NRK: variants seen among roughly 807,000 people sequenced by gnomAD.
The protein encoded by NRK is Nik related kinase, also known as nik-related protein kinase.
In NRK, 67 loss-of-function variants were observed where a neutral mutation model predicts 125.2. The observed-to-expected ratio is 0.54, with a 90% confidence interval of 0.44 to 0.66. The LOEUF is 0.66. Among genes scored for constraint, NRK ranks in the 30% least tolerant of loss-of-function variants. NRK has a pLI of 0.00. For missense variants in NRK, 1,224 were observed against 1,192.9 expected, an observed-to-expected ratio of 1.03 and a Z score of -0.38; for synonymous variants, 458 against 429.0, an observed-to-expected ratio of 1.07 and a Z score of -0.84.
In NRK at chrX:105,924,843, G is replaced by C. The variant is rs941784968; in HGVS notation, c.3124G>C (p.Asp1042His). Residue 1042 changes from aspartate (D) to histidine (H), a missense_variant, in exon 19 of 29, where the codon GAT becomes CAT. Asp to His is a moderately conservative substitution (Grantham distance 81). Transcript: ENST00000243300. ...AASEDNAAIG[D>H]QEEHAANIGS... ...CAGTGAGGACAATGCAGCCATTGGA[G>C]ATCAGGAAGAACATGCAGCCAATAT... 8 of 1,211,045 alleles carry C rather than the reference G, an allele frequency of 6.6e-6. No individual in the cohort carries two copies. Among genetic ancestry groups the C allele is most frequent in the Admixed American group, 2.2e-5 (1 of 45,849 alleles).
upstream of NRK, among the ~76,000 whole-genome samples, chrX:105,821,952 A>G (rs1028076421): frequency 8.9e-6 from 1 of 112,106 alleles, no homozygotes; most frequent in Non-Finnish European, 1.9e-5. Context: ...TTTGAAGGCC[A>G]AGCTGTGACA....
At chrX:105,829,769 T>C (rs891689771) in intron 1 of NRK, among the ~76,000 whole-genome samples, 3 of 111,905 alleles carry the variant, frequency 2.7e-5, no homozygotes, top group Middle Eastern at 4.6e-3. Context: ...ATTTAGCAGA[T>C]GCAAAGTTTA....
chrX:105,870,033 A>C (rs1228609676), intron 2 of NRK, among the ~76,000 whole-genome samples: 1 of 111,868 alleles, frequency 8.9e-6, no homozygotes, highest in Non-Finnish European at 1.9e-5. Context: ...GGTTAAGCCC[A>C]GACAAACCTT....
chrX:105,823,537 AT>A (rs375688413), intron 1 of NRK, among the ~76,000 whole-genome samples: 371 of 100,169 alleles, frequency 3.7e-3, no homozygotes, highest in East Asian at 9.5e-3. Flanking sequence ...TGCACACTCG[AT>A]TTTTTTTTTT....
Position 105,934,451 on chromosome X carries a change from G to A in NRK, c.3499+7G>A. On this transcript the variant is annotated splice_region_variant and intron_variant, in intron 20 of 28. Coordinates refer to ENST00000243300, the MANE Select transcript of NRK (RefSeq NM_198465.4). ...AACTTTGCCAGTGCCATCTGTGAGT[G>A]TGTTCAATGTAATCTCTAAATGCTA... is the stretch of plus-strand genomic sequence containing the variant. 8.9e-7 allele frequency: 1 copy of A among 1,120,028 alleles called. No individual in the cohort carries two copies. The allele number at this position is 1,120,028 out of a possible 1,213,427, so 92.3% of individuals were successfully genotyped here. A position where few individuals can be genotyped will look rare whatever the true frequency, so the allele number is the denominator to read the frequency against.
intron 5 of NRK, among the ~76,000 whole-genome samples, chrX:105,888,936 T>C (rs189783463): frequency 8.1e-5 from 9 of 111,409 alleles, no homozygotes; most frequent in African/African-American, 2.6e-4. Flanking sequence ...ATTTCATCAC[T>C]GGCCCCTCCC....
intron 2 of NRK, among the ~76,000 whole-genome samples, chrX:105,841,405 G>A (rs2039330604): frequency 8.9e-6 from 1 of 111,883 alleles, no homozygotes; most frequent in Non-Finnish European, 1.9e-5. Flanking sequence ...AGCATAAAGA[G>A]AGGGAAAATG....
At chrX:105,838,034 C>T (rs567752167) in intron 2 of NRK, among the ~76,000 whole-genome samples, 4 of 110,727 alleles carry the variant, frequency 3.6e-5, no homozygotes, top group African/African-American at 1.3e-4. Context: ...ATGTATTAGA[C>T]TCTATAATCT....
intron 21 of NRK, among the ~76,000 whole-genome samples, chrX:105,935,852 A>T (rs1008120342): frequency 9.4e-6 from 1 of 106,459 alleles, no homozygotes; most frequent in African/African-American, 3.4e-5. Context: ...CTAGGTTATG[A>T]TTGTTTGAAA....
chrX:105,893,909 T>G lies in NRK; in HGVS notation c.456T>G (p.Asp152Glu). 8.5e-7 allele frequency: 1 copy of G among 1,172,227 alleles called. No homozygotes were observed. The highest frequency in any genetic ancestry group is 1.8e-5 in the South Asian group (1 of 55,640). ...RMTSNQSLKE[D>E]WIAYICREIL... The stretch of plus-strand genomic sequence containing the variant: ...CCAGTAATCAGAGTTTAAAAGAAGA[T>G]TGGATTGCTTATATCTGCCGAGAAA... The change falls in exon 6 of 29, where the codon GAT (aspartate) becomes GAG (glutamate). Residue 152 changes from aspartate to glutamate, a missense_variant. Asp to Glu is a conservative substitution (Grantham distance 45). Transcript: ENST00000243300.
chrX:105,954,447 T>G, intron 28 of NRK, among the ~76,000 whole-genome samples: 1 of 110,958 alleles, frequency 9.0e-6, no homozygotes, highest in Admixed American at 9.6e-5. Context: ...CTTAAAAGAT[T>G]ATTTGTTTTC....
intron 3 of NRK, among the ~76,000 whole-genome samples, chrX:105,881,222 G>A (rs2039880531): frequency 9.0e-6 from 1 of 111,162 alleles, no homozygotes; most frequent in African/African-American, 3.3e-5. Context: ...TGTGAGTTTC[G>A]AGGGATTTTG....
rs990745900 is a variant in NRK at position 105,898,815 on chromosome X, C to T, written c.711+101C>T. The T allele has an allele frequency of 2.8e-5, 18 of 634,230 alleles. No homozygotes were observed. In the African/African-American group the frequency reaches 4.2e-4, roughly 15 times the overall value. The allele number at this position is 634,230 out of a possible 1,213,427, so 52.3% of individuals were successfully genotyped here. ...AACAAAAAATAAAAAGCAGGCAGCT[C>T]CACATTTTACATTAAATGCTAGTAG... On this transcript the variant is annotated intron_variant, in intron 8 of 28. Transcript: ENST00000243300.
At chrX:105,946,051 T>G (rs1296874400) in intron 25 of NRK, 36 bp downstream of exon 25, 2 of 1,171,064 alleles carry the variant, frequency 1.7e-6, no homozygotes, top group Non-Finnish European at 2.3e-6. Flanking sequence ...GAATGCAGGG[T>G]CATACAAGGC....
chrX:105,867,580 C>T (rs1460953263), intron 2 of NRK, among the ~76,000 whole-genome samples: 1 of 111,929 alleles, frequency 8.9e-6, no homozygotes, highest in East Asian at 2.8e-4. Context: ...CATTTGAATT[C>T]ACAGAGATAT....
chrX:105,868,126 T>TA (rs1359002660), intron 2 of NRK, among the ~76,000 whole-genome samples: 2 of 111,549 alleles, frequency 1.8e-5, no homozygotes, highest in African/African-American at 6.5e-5. Flanking sequence ...AATAAATACT[T>TA]ACATATGCAG....
intron 9 of NRK, among the ~76,000 whole-genome samples, chrX:105,903,534 G>T (rs1011647378): frequency 1.8e-5 from 2 of 111,817 alleles, no homozygotes; most frequent in African/African-American, 6.5e-5. Context: ...TGATTTTTAA[G>T]GGAGGCTTGC....
chrX:105,902,364 T>G (rs928079133), intron 9 of NRK, among the ~76,000 whole-genome samples: 9 of 111,655 alleles, frequency 8.1e-5, no homozygotes, highest in African/African-American at 2.6e-4. Context: ...ACATTTCTCT[T>G]TTACCGGTGT....
chrX:105,900,732 C>T, intron 9 of NRK, 60 bp downstream of exon 9: 1 of 702,694 alleles, frequency 1.4e-6, no homozygotes, highest in Non-Finnish European at 2.2e-6. Flanking sequence ...ACAAATCATA[C>T]AAATCTCTCT....
Sources: allele counts gnomAD v4.1 joint callset (sites outside exome capture counted in the v4.1 genomes callset), GRCh38; gene constraint gnomAD v4.1.1; transcripts MANE v1.5; gene names NCBI Gene and HGNC (gene_info 2026-07-23, HGNC 2026-07-21).